The following CCNL1 variants were observed in gnomAD, a reference collection of about 807,000 sequenced individuals.
CCNL1 encodes the protein cyclin-L1.
CCNL1 carries 13 observed loss-of-function variants against 60.6 expected under a neutral mutation model. That is an observed-to-expected ratio of 0.21 (90% CI 0.14 to 0.34). CCNL1 has a LOEUF of 0.34. Ranked by LOEUF, CCNL1 falls within the 10% of genes least tolerant of loss-of-function variation. The probability of loss-of-function intolerance (pLI) is 1.00; values close to 1 mark genes in which losing one functional copy is unlikely to be tolerated. For synonymous variants in CCNL1, 270 were observed against 244.3 expected, an observed-to-expected ratio of 1.10 and a Z score of -0.98; for missense variants, 481 against 664.3, an observed-to-expected ratio of 0.72 and a Z score of 3.03.
chr3:157,155,512 C>T (rs1021745017), intron 3 of CCNL1, among the ~76,000 whole-genome samples: 3 of 152,116 alleles, frequency 2.0e-5, no homozygotes, highest in African/African-American at 7.2e-5. Flanking sequence ...CTTGCTTAAT[C>T]CTGCTATTTA....
chr3:157,159,551 G>T, intron 1 of CCNL1, 72 bp from the exon 2 acceptor site: 1 of 1,394,320 alleles, frequency 7.2e-7, no homozygotes, highest in Non-Finnish European at 1.0e-6. Flanking sequence ...GCCATTTTGT[G>T]CCGCCGATCG....
chr3:157,155,827 T>C (rs1263157180), intron 3 of CCNL1, among the ~76,000 whole-genome samples: 1 of 152,212 alleles, frequency 6.6e-6, no homozygotes, highest in African/African-American at 2.4e-5. Context: ...GAGGTGGCAT[T>C]TGAAAATCTC....
chr3:157,144,922 C>A (rs1447795237), downstream of CCNL1, among the ~76,000 whole-genome samples: 1 of 152,112 alleles, frequency 6.6e-6, no homozygotes, highest in Non-Finnish European at 1.5e-5. Flanking sequence ...TTTAAGTAAG[C>A]TTTTGATGCA....
rs748619635 is a variant in CCNL1, at chr3:157,159,801, C to T, written c.294G>A (p.Arg98=). The part of the protein sequence containing the change: ...ELIQAAGILL[R]LPQVAMATGQ... Reference sequence around the variant, plus strand: ...GGGCCGGAGCACTGACCTGCGGCAGCCGGAGGAGAATGCCGGCGGCCTGGA... The same window carrying T: ...GGGCCGGAGCACTGACCTGCGGCAGTCGGAGGAGAATGCCGGCGGCCTGGA... Residue 98 remains arginine (R), a synonymous_variant, in exon 1 of 11, where the codon CGG becomes CGA. Coordinates refer to ENST00000295926, the MANE Select transcript of CCNL1 (RefSeq NM_020307.4). The T allele has an allele frequency of 3.3e-6, 5 of 1,535,892 alleles. No individual in the cohort carries two copies. Among genetic ancestry groups the T allele is most frequent in the Non-Finnish European group, 3.5e-6 (4 of 1,135,140 alleles).
chr3:157,159,051 G>A, intron 2 of CCNL1, 76 bp from the exon 3 acceptor site: 1 of 955,884 alleles, frequency 1.0e-6, no homozygotes, highest in East Asian at 2.4e-5. Flanking sequence ...GAACACAATT[G>A]GGACAACCTT....
At chr3:157,149,702 T>C (rs1322316025) in intron 8 of CCNL1, 106 bp from the exon 9 acceptor site, 3 of 1,459,062 alleles carry the variant, frequency 2.1e-6, no homozygotes, top group African/African-American at 1.4e-5. Flanking sequence ...TCCATGTTGG[T>C]TGACTGCCAT....
chr3:157,159,954 G>C lies in CCNL1; in HGVS notation c.141C>G (p.Tyr47Ter), dbSNP rs760020850. ...TGGILIGDRL[Y>*]SEVSLTIDHS... ...GGTCGATGGTAAGTGAAACTTCCGA[G>C]TACAGGCGATCGCCGATCAGGATCC... The change falls in exon 1 of 11, where the codon TAC (tyrosine) becomes TAG (stop). Residue 47 changes from tyrosine to a stop codon, truncating the protein, a stop_gained. Transcript: ENST00000295926. LOFTEE classifies it high-confidence loss of function. 1.2e-6 allele frequency: 2 copies of C among 1,600,944 alleles called. No homozygotes were observed. Among genetic ancestry groups the C allele is most frequent in the Non-Finnish European group, 1.7e-6 (2 of 1,173,742 alleles).
chr3:157,150,337 A>G lies in CCNL1; in HGVS notation c.719T>C (p.Phe240Ser). ...DSLRTNVFVR[F>S]QPETIACACI... The stretch of plus-strand genomic sequence containing the variant: ...AGCACATGCTATAGTCTCTGGTTGA[A>G]ATCGAACAAACACATTGGTTCGAAG... The change falls in exon 6 of 11, where the codon TTT becomes TCT. Residue 240 changes from phenylalanine to serine, a missense_variant. Transcript: ENST00000295926. The G allele has an allele frequency of 6.2e-7, 1 of 1,614,018 alleles. No individual in the cohort carries two copies. Among genetic ancestry groups the G allele is most frequent in the Non-Finnish European group, 8.5e-7 (1 of 1,179,916 alleles).
At chr3:157,152,279 G>C (rs1326685605) in intron 4 of CCNL1, 38 bp from the exon 5 acceptor site, 2 of 1,584,988 alleles carry the variant, frequency 1.3e-6, no homozygotes, top group African/African-American at 2.7e-5. Flanking sequence ...TCAGTATACT[G>C]GTAGTTCTTT....
Position 157,160,112 on chromosome 3 carries a change from C to T in CCNL1, c.-18G>A. On this transcript the variant is annotated 5_prime_UTR_variant, in exon 1 of 11. The change creates a new upstream start codon in the 5' untranslated region. Transcript: ENST00000295926. ...GACGCCATAGTCTTAGCGAGCCGCA[C>T]GCAAGCCCAACGCAGCCGGAACCCG... 2 of 1,533,012 alleles carry T rather than the reference C, an allele frequency of 1.3e-6. No homozygotes were observed. Among genetic ancestry groups the T allele is most frequent in the Middle Eastern group, 1.7e-4 (1 of 5,940 alleles). The allele number at this position is 1,533,012 out of a possible 1,614,324, so 95.0% of individuals were successfully genotyped here. A position where few individuals can be genotyped will look rare whatever the true frequency, so the allele number is the denominator to read the frequency against.
chr3:157,148,381 G>A lies in CCNL1; in HGVS notation c.1441C>T (p.His481Tyr), dbSNP rs1010937591. The A allele has an allele frequency of 2.5e-6, 4 of 1,614,058 alleles. No individual in the cohort carries two copies. The African/African-American group carries it at 4.0e-5, about 16-fold the overall frequency. ...RSRSQSKSRDHSDAAKKHRHE... is the reference protein window; with the variant it reads ...RSRSQSKSRDYSDAAKKHRHE... ...CTGTGTTTCTTGGCTGCATCTGAGT[G>A]ATCCCGAGACTTGCTCTGAGATCGA... is the stretch of plus-strand genomic sequence containing the variant. The change falls in exon 11 of 11, where the codon CAC becomes TAC. Residue 481 changes from histidine to tyrosine, a missense_variant. His to Tyr is a moderately conservative substitution (Grantham distance 83). Around this residue, in one of 5 missense-constraint regions of CCNL1, gnomAD observed 197 missense variants for 233.9 expected, o/e 0.84. Coordinates refer to ENST00000295926, the MANE Select transcript of CCNL1 (RefSeq NM_020307.4).
chr3:157,156,045 A>G (rs1344706907), intron 3 of CCNL1, among the ~76,000 whole-genome samples: 1 of 152,228 alleles, frequency 6.6e-6, no homozygotes, highest in Non-Finnish European at 1.5e-5. Flanking sequence ...TTCCTTTAGC[A>G]TGATTATGTA....
chr3:157,158,138 A>G (rs1738767209), intron 3 of CCNL1, among the ~76,000 whole-genome samples: 1 of 152,240 alleles, frequency 6.6e-6, no homozygotes, highest in African/African-American at 2.4e-5. Context: ...ATAGGTCCAC[A>G]TAAAATTATG....
At position 157,147,734 on chromosome 3, in the gene CCNL1, A is replaced by C. The variant is rs2108106167; in HGVS notation, c.*507T>G. The C allele has an allele frequency of 1.0e-6, 1 of 984,848 alleles. No individual in the cohort carries two copies. The highest frequency in any genetic ancestry group is 1.2e-6 in the Non-Finnish European group (1 of 829,360). 61.0% of individuals were successfully genotyped at this position (984,848 alleles called of 1,614,324 possible). On this transcript the variant is annotated 3_prime_UTR_variant, in exon 11 of 11. Transcript: ENST00000295926. ...AATAAGTTTGTCAGAAAACCAGTACAGCCATTTTGCTATTAAAATTTTCCT... is the reference window on the plus strand; with the variant it reads ...AATAAGTTTGTCAGAAAACCAGTACCGCCATTTTGCTATTAAAATTTTCCT...
chr3:157,150,632 C>T lies in CCNL1; in HGVS notation c.675-251G>A, dbSNP rs529628262. On this transcript the variant is annotated intron_variant, in intron 5 of 10. Coordinates refer to ENST00000295926, the MANE Select transcript of CCNL1 (RefSeq NM_020307.4). ...AAATTATTTCATATTACAATCCAAA[C>T]TAGAAATTACTCCTAAAAAGTTAAT... 191 of 1,171,226 alleles carry T rather than the reference C, an allele frequency of 1.6e-4. No individual in the cohort carries two copies. The African/African-American group carries it at 2.7e-3, about 16-fold the overall frequency. The allele number at this position is 1,171,226 out of a possible 1,614,324, so 72.6% of individuals were successfully genotyped here.
intron 8 of CCNL1, 93 bp downstream of exon 8, chr3:157,149,743 A>G: frequency 6.6e-7 from 1 of 1,512,962 alleles, no homozygotes; most frequent in Non-Finnish European, 8.9e-7. Flanking sequence ...TCCTAACATC[A>G]TTTTTCTCTA....
At chr3:157,152,866 T>C in intron 4 of CCNL1, 170 bp downstream of exon 4, 3 of 1,369,430 alleles carry the variant, frequency 2.2e-6, no homozygotes, top group Non-Finnish European at 2.8e-6. Context: ...GTCATTTTAC[T>C]GATAAATCTC....
intron 5 of CCNL1, chr3:157,151,299 C>A: frequency 1.0e-6 from 1 of 985,702 alleles, no homozygotes. Context: ...CTAAGTCCTT[C>A]ACATCAATAG....
downstream of CCNL1, among the ~76,000 whole-genome samples, chr3:157,144,780 A>T (rs556051810): frequency 1.3e-5 from 2 of 152,356 alleles, no homozygotes; most frequent in East Asian, 1.9e-4. Flanking sequence ...ACTTCATTTT[A>T]AAAAATCTGG....
Sources: gnomAD v4.1 joint callset for allele counts (sites outside exome capture counted in the v4.1 genomes callset) on GRCh38, gnomAD v4.1.1 for gene constraint, gnomAD v4.1.1 regional missense constraint, MANE v1.5 for transcripts, NCBI Gene and HGNC (gene_info 2026-07-23, HGNC 2026-07-21) for gene names.